Variants in TULP4 observed in about 807,000 individuals in gnomAD.
TULP4 encodes the protein tubby-related protein 4.
A neutral mutation model predicts 129.0 loss-of-function variants in TULP4; 16 were observed. That is an observed-to-expected ratio of 0.12 (90% CI 0.08 to 0.19). The LOEUF (loss-of-function observed/expected upper bound fraction) is 0.19, where lower values mean the gene tolerates loss of function less well. Among genes scored for constraint, TULP4 ranks in the 10% least tolerant of loss-of-function variants. TULP4 has a pLI of 1.00. For synonymous variants in TULP4, 998 were observed against 854.0 expected, an observed-to-expected ratio of 1.17 and a Z score of -2.94; for missense variants, 1,842 against 2,059.1, an observed-to-expected ratio of 0.89 and a Z score of 2.04.
Position 158,413,010 on chromosome 6 carries a change from A to G in TULP4, c.253-55A>G. 6.4e-7 allele frequency: 1 copy of G among 1,568,362 alleles called. No homozygotes were observed. Among genetic ancestry groups the G allele is most frequent in the Non-Finnish European group, 8.7e-7 (1 of 1,154,692 alleles). On this transcript the variant is annotated intron_variant, in intron 1 of 13. Transcript: ENST00000367097. This position sits in a 1 kb window ranked among gnomAD's most constrained non-coding sequence, Gnocchi z 4.9. ...CAAGTCTGATCACATCACAGAAATA[A>G]TCCTGGCCCACAGATTTATTTCCTG...
At chr6:158,417,062 C>G (rs1160460371) in intron 2 of TULP4, among the ~76,000 whole-genome samples, 1 of 152,146 alleles carries the variant, frequency 6.6e-6, no homozygotes, top group African/African-American at 2.4e-5. Context: ...AGGGAATTGC[C>G]TAATGACATA....
In TULP4 at chr6:158,365,673, A is replaced by T. The variant is rs78304343; in HGVS notation, c.253-47392A>T. Reference sequence around the variant, plus strand: ...TTGTTAGTAGAGAGGGGGTTTCACCATGTTAGCCAATAGGGTCTCGATCTC... The same window carrying T: ...TTGTTAGTAGAGAGGGGGTTTCACCTTGTTAGCCAATAGGGTCTCGATCTC... On this transcript the variant is annotated intron_variant, in intron 1 of 13. Coordinates refer to ENST00000367097, the MANE Select transcript of TULP4 (RefSeq NM_020245.5). Among the ~76,000 whole-genome samples, 15 of 151,262 alleles carry T rather than the reference A, an allele frequency of 9.9e-5. No individual in the cohort carries two copies. The South Asian group carries it at 1.7e-3, about 17-fold the overall frequency.
intron 9 of TULP4, among the ~76,000 whole-genome samples, chr6:158,492,283 T>C (rs911770433): frequency 2.0e-5 from 3 of 152,250 alleles, no homozygotes; most frequent in African/African-American, 7.2e-5. Context: ...TTTGGTTACC[T>C]AAGGTCATGA....
intron 1 of TULP4, among the ~76,000 whole-genome samples, chr6:158,343,525 GGCCTTCTTAGGCCCTAGAGAGCTC>G (rs937221989): frequency 6.6e-6 from 1 of 152,012 alleles, no homozygotes; most frequent in African/African-American, 2.4e-5. Flanking sequence ...CATCACGAAT[GGCCTTCTTAGGCCCTAGAGAGCTC>G]GCACCCTCTT....
At chr6:158,392,839 T>C (rs994942273) in intron 1 of TULP4, among the ~76,000 whole-genome samples, 2 of 126,860 alleles carry the variant, frequency 1.6e-5, no homozygotes, top group African/African-American at 6.0e-5. Context: ...TCTCGCTCCA[T>C]TGCCAGGCTG....
intron 1 of TULP4, among the ~76,000 whole-genome samples, chr6:158,404,099 G>A (rs949988553): frequency 6.6e-6 from 1 of 152,120 alleles, no homozygotes; most frequent in African/African-American, 2.4e-5. Flanking sequence ...CTCATGCTCC[G>A]GCTCTCTTCA....
intron 1 of TULP4, among the ~76,000 whole-genome samples, chr6:158,254,255 G>A (rs1340007458): frequency 6.6e-6 from 1 of 152,080 alleles, no homozygotes; most frequent in African/African-American, 2.4e-5. Flanking sequence ...TGATTCTCAT[G>A]ACTCAGCCTC....
At chr6:158,472,914 ACT>A (rs1475078790) in intron 6 of TULP4, among the ~76,000 whole-genome samples, 1 of 152,000 alleles carries the variant, frequency 6.6e-6, no homozygotes, top group East Asian at 1.9e-4. Context: ...GTTATCTGTG[ACT>A]CTCTATATAT....
intron 1 of TULP4, among the ~76,000 whole-genome samples, chr6:158,335,894 G>A (rs1780021524): frequency 6.6e-6 from 1 of 152,218 alleles, no homozygotes; most frequent in African/African-American, 2.4e-5. Context: ...TGCAATTACA[G>A]ATAATGCTGC....
rs528832886 is a variant in TULP4, at chr6:158,318,309, A to G, written c.252+4041A>G. Among the ~76,000 whole-genome samples, 3 of 152,170 alleles carry G rather than the reference A, an allele frequency of 2.0e-5. No individual in the cohort carries two copies. In the East Asian group the frequency reaches 5.8e-4, roughly 29 times the overall value. On this transcript the variant is annotated intron_variant, in intron 1 of 13. Transcript: ENST00000367097. ...ACCCTGCCTCTACTCTCCCCCACCC[A>G]CCGCAAAGAAAAGAATATGTTCCAT...
intron 1 of TULP4, among the ~76,000 whole-genome samples, chr6:158,345,085 T>C (rs1780269018): frequency 6.6e-6 from 1 of 152,254 alleles, no homozygotes; most frequent in South Asian, 2.1e-4. Flanking sequence ...TCTTTAATTC[T>C]GTGAAGGCTG....
chr6:158,308,992 C>T (rs1205450396), upstream of TULP4, among the ~76,000 whole-genome samples: 170 of 147,830 alleles, frequency 1.1e-3, 1 homozygote, highest in African/African-American at 4.0e-3. Flanking sequence ...GCTGACCCCC[C>T]CACCTCCCTC....
chr6:158,337,744 A>G (rs1354817405), intron 1 of TULP4, among the ~76,000 whole-genome samples: 1 of 152,200 alleles, frequency 6.6e-6, no homozygotes, highest in Non-Finnish European at 1.5e-5. Flanking sequence ...ATACTCCTAA[A>G]GACCAAGAGT....
intron 6 of TULP4, among the ~76,000 whole-genome samples, chr6:158,479,202 G>A (rs1433239781): frequency 6.6e-6 from 1 of 152,128 alleles, no homozygotes; most frequent in Admixed American, 6.5e-5. Context: ...CCCAAGCCAT[G>A]GGAACCACCC....
At chr6:158,293,070 T>C (rs1743375650) in intron 1 of TULP4, among the ~76,000 whole-genome samples, 1 of 152,212 alleles carries the variant, frequency 6.6e-6, no homozygotes, top group Non-Finnish European at 1.5e-5. Flanking sequence ...ACTTCCACTT[T>C]CTTTTAAACT....
intron 2 of TULP4, among the ~76,000 whole-genome samples, chr6:158,426,487 C>T (rs558092439): frequency 2.0e-4 from 24 of 121,690 alleles, no homozygotes; most frequent in Admixed American, 1.8e-3. Context: ...GTCCTTTCCC[C>T]GTTGTTTGTT....
At chr6:158,405,602 C>T (rs1362907694) in intron 1 of TULP4, among the ~76,000 whole-genome samples, 1 of 152,104 alleles carries the variant, frequency 6.6e-6, no homozygotes, top group African/African-American at 2.4e-5. Context: ...GAGCAAGGAG[C>T]AAGGAGCAAG....
Position 158,365,494 on chromosome 6 carries a change from T to A in TULP4, c.253-47571T>A, listed in dbSNP as rs1780915863. Among the ~76,000 whole-genome samples the A allele has an allele frequency of 4.0e-5, 6 of 151,710 alleles. No homozygotes were observed. The South Asian group carries it at 1.3e-3, about 32-fold the overall frequency. Reference sequence around the variant, plus strand: ...TTCTTTTTTCTTTTTTTTTTGTTTTTGAGACAGAGTCTTGCTCTGTTGCCC... The same window carrying A: ...TTCTTTTTTCTTTTTTTTTTGTTTTAGAGACAGAGTCTTGCTCTGTTGCCC... On this transcript the variant is annotated intron_variant, in intron 1 of 13. Transcript: ENST00000367097.
intron 9 of TULP4, among the ~76,000 whole-genome samples, chr6:158,492,086 C>G (rs1780224617): frequency 6.6e-6 from 1 of 152,172 alleles, no homozygotes; most frequent in Admixed American, 6.5e-5. Flanking sequence ...TCTCAAACTC[C>G]TGACCTTGTG....
Sources: allele counts gnomAD v4.1 joint callset (sites outside exome capture counted in the v4.1 genomes callset), GRCh38; gene constraint gnomAD v4.1.1; non-coding constraint Gnocchi (gnomAD v3.1); transcripts MANE v1.5; gene names NCBI Gene and HGNC (gene_info 2026-07-23, HGNC 2026-07-21).